Variants in WDR86 observed in about 807,000 individuals in gnomAD.
The protein encoded by WDR86 is WD repeat-containing protein 86.
A neutral mutation model predicts 36.5 loss-of-function variants in WDR86; 30 were observed. That is an observed-to-expected ratio of 0.82 (90% CI 0.61 to 1.11). The LOEUF (loss-of-function observed/expected upper bound fraction) is 1.11. WDR86 is among the 50% of genes most tolerant of loss of function. WDR86 has a pLI of 0.00. For missense variants in WDR86, 545 were observed against 561.2 expected (o/e 0.97, Z 0.29); for synonymous variants, 255 against 252.9 (o/e 1.01, Z -0.08).
chr7:151,379,650 G>A (rs1798463620), downstream of WDR86, among the ~76,000 whole-genome samples: 1 of 152,196 alleles, frequency 6.6e-6, no homozygotes, highest in African/African-American at 2.4e-5. Context: ...CTGTGCAATG[G>A]AAGTAGAAAT....
At chr7:151,402,070 A>AAAAAAAAAAAATATATATATATATAT in intron 1 of WDR86, among the ~76,000 whole-genome samples, 10 of 50,518 alleles carry the variant, frequency 2.0e-4, no homozygotes, top group African/African-American at 5.9e-4. Context: ...AAAAAAAAAA[A>AAAAAAAAAAAATATATATATATATAT]ATATATATAT....
chr7:151,399,569 A>G (rs1800131237), intron 2 of WDR86, among the ~76,000 whole-genome samples: 1 of 152,214 alleles, frequency 6.6e-6, no homozygotes, highest in Admixed American at 6.5e-5. Flanking sequence ...AGGAATTTCC[A>G]TTGCTCAGCT....
the WDR86 span, among the ~76,000 whole-genome samples, chr7:151,370,223 A>G: frequency 6.6e-6 from 1 of 152,036 alleles, no homozygotes; most frequent in Non-Finnish European, 1.5e-5. Context: ...AGTAGCTGGA[A>G]TTACAGGTGC....
At chr7:151,396,741 C>G (rs182433464) in intron 2 of WDR86, among the ~76,000 whole-genome samples, 104 of 152,338 alleles carry the variant, frequency 6.8e-4, no homozygotes, top group African/African-American at 2.5e-3. Flanking sequence ...GCACTGGGAA[C>G]TCCCATAGTG....
chr7:151,382,023 G>C (rs1798628677), intron 4 of WDR86, 42 bp from the exon 5 acceptor site: 1 of 1,534,836 alleles, frequency 6.5e-7, no homozygotes, highest in Non-Finnish European at 8.8e-7. Context: ...TCCCTGCTCG[G>C]CCCCCCGCAA....
downstream of WDR86, chr7:151,378,377 T>C (rs1033750801): frequency 9.2e-5 from 14 of 152,252 alleles, no homozygotes; most frequent in African/African-American, 3.4e-4. Flanking sequence ...TTTGGACTGA[T>C]GGGAATCTTC....
Position 151,381,343 on chromosome 7 carries a change from GA to G in WDR86, c.*238del. ...TTTCGCCAGGTCAGGGATGGGGAGG[GA>G]GGACAGGAGCCACCCTAAAAGGGAA... On this transcript the variant is annotated 3_prime_UTR_variant, in exon 6 of 6. Transcript: ENST00000334493. This position sits in a 1 kb window ranked among gnomAD's most constrained non-coding sequence, Gnocchi z 4.8. 1 of 1,390,816 alleles carries G rather than the reference GA, an allele frequency of 7.2e-7. No individual in the cohort carries two copies. The highest frequency in any genetic ancestry group is 1.6e-5 in the South Asian group (1 of 63,176). The allele number at this position is 1,390,816 out of a possible 1,614,324, so 86.2% of individuals were successfully genotyped here.
intron 1 of WDR86, among the ~76,000 whole-genome samples, chr7:151,402,044 C>CAT: frequency 7.1e-5 from 2 of 28,102 alleles, no homozygotes; most frequent in Admixed American, 4.2e-4. Flanking sequence ...CAAAACTCTG[C>CAT]CTCAAAAAAA....
chr7:151,410,131 T>TC (rs1329668805), upstream of WDR86: 5 of 953,674 alleles, frequency 5.2e-6, no homozygotes, highest in Non-Finnish European at 6.2e-6. Flanking sequence ...GCCTGCAGCC[T>TC]CCCCCCTTCG....
At chr7:151,400,320 A>T in intron 1 of WDR86, 79 bp from the exon 2 acceptor site, 1 of 1,406,220 alleles carries the variant, frequency 7.1e-7, no homozygotes, top group Non-Finnish European at 9.4e-7. Flanking sequence ...AATGTTTGAA[A>T]AGGGAAGAAA....
chr7:151,369,030 C>CTCTGTCTCA, the WDR86 span: 2 of 957,618 alleles, frequency 2.1e-6, no homozygotes, highest in Non-Finnish European at 2.9e-6. Flanking sequence ...TTTCTTGAGA[C>CTCTGTCTCA]AGAGTCTCAC....
downstream of WDR86, chr7:151,376,806 C>A (rs372775125): frequency 6.3e-7 from 1 of 1,581,962 alleles, no homozygotes; most frequent in Admixed American, 1.8e-5. Context: ...CCTTCTGACT[C>A]CGCAGGTAGG....
chr7:151,381,936 T>C lies in WDR86; in HGVS notation c.908A>G (p.Gln303Arg). Residue 303 changes from glutamine to arginine, a missense_variant, in exon 5 of 6, where the codon CAG becomes CGG. Gln to Arg is a conservative substitution (Grantham distance 43). Coordinates refer to ENST00000334493, the MANE Select transcript of WDR86 (RefSeq NM_198285.3). The surrounding 1 kb of genome is among the most constrained non-coding windows in gnomAD (Gnocchi z 4.8). Reference sequence around the variant, plus strand: ...GAACACCCTCCGCAGCTCTCCAGACTGCGCGTCGAAGGCCCGGGCGCAAGC... The same window carrying C: ...GAACACCCTCCGCAGCTCTCCAGACCGCGCGTCGAAGGCCCGGGCGCAAGC... ...GDACARAFDAQSGELRRVFRG... is the reference protein window; with the variant it reads ...GDACARAFDARSGELRRVFRG... 1 of 1,609,764 alleles carries C rather than the reference T, an allele frequency of 6.2e-7. No homozygotes were observed.
intron 2 of WDR86, among the ~76,000 whole-genome samples, chr7:151,398,510 ATGTG>A (rs556811057): frequency 4.0e-5 from 6 of 149,244 alleles, no homozygotes; most frequent in East Asian, 2.0e-4. Context: ...GCACGTGTGT[ATGTG>A]TAAGTTTGTG....
chr7:151,374,801 C>A (rs567144070), downstream of WDR86, among the ~76,000 whole-genome samples: 1 of 152,072 alleles, frequency 6.6e-6, no homozygotes, highest in African/African-American at 2.4e-5. Flanking sequence ...TGCTGCGCTG[C>A]GTCTCAGCAG....
At position 151,405,286 on chromosome 7, in the gene WDR86, C is replaced by G. The variant is rs566475544; in HGVS notation, c.163+4141G>C. On this transcript the variant is annotated intron_variant, in intron 1 of 5. Transcript: ENST00000334493. This position sits in a 1 kb window ranked among gnomAD's most constrained non-coding sequence, Gnocchi z 4.7. ...CAGGATATGTTCCCCTCCCCCAGCT[C>G]CGACCCTGCAGGGCTCCCTCAGGCT... Among the ~76,000 whole-genome samples, 17 of 152,288 alleles carry G rather than the reference C, an allele frequency of 1.1e-4. No individual in the cohort carries two copies. Among genetic ancestry groups the G allele is most frequent in the African/African-American group, 3.8e-4 (16 of 41,560 alleles).
rs1800287754 is a variant in WDR86 at position 151,401,501 on chromosome 7, G to A, written c.164-1260C>T. 6.6e-6 allele frequency among the ~76,000 whole-genome samples: 1 copy of A among 152,178 alleles called. No individual in the cohort carries two copies. The highest frequency in any genetic ancestry group is 1.5e-5 in the Non-Finnish European group (1 of 68,034). On this transcript the variant is annotated intron_variant, in intron 1 of 5. Coordinates refer to ENST00000334493, the MANE Select transcript of WDR86 (RefSeq NM_198285.3). This position sits in a 1 kb window ranked among gnomAD's most constrained non-coding sequence, Gnocchi z 4.3. ...CATTCCACATTTCCTCACCTGGGAT[G>A]GGGACAATGCCTGCCTCACGGGATG...
downstream of WDR86, among the ~76,000 whole-genome samples, chr7:151,378,690 A>G (rs1798425818): frequency 2.6e-5 from 4 of 152,258 alleles, no homozygotes; most frequent in Admixed American, 2.6e-4. Context: ...GGTTTGCCTC[A>G]GAAGTGCCTG....
chr7:151,384,988 C>T, intron 4 of WDR86, 100 bp downstream of exon 4: 2 of 1,301,076 alleles, frequency 1.5e-6, no homozygotes, highest in South Asian at 1.4e-5. Context: ...TGATGATTGG[C>T]AGCCAAGGCT....
Sources: allele counts gnomAD v4.1 joint callset (sites outside exome capture counted in the v4.1 genomes callset), GRCh38; gene constraint gnomAD v4.1.1; non-coding constraint Gnocchi (gnomAD v3.1); transcripts MANE v1.5; gene names NCBI Gene and HGNC (gene_info 2026-07-23, HGNC 2026-07-21).